The following BCAS3 variants were observed in gnomAD, a reference collection of about 807,000 sequenced individuals.
BCAS3 encodes the protein BCAS3 microtubule associated cell migration factor.
A neutral mutation model predicts 116.1 loss-of-function variants in BCAS3; 53 were observed. The observed-to-expected ratio is 0.46, with a 90% CI of 0.37 to 0.57. BCAS3 has a LOEUF of 0.57. Ranked by LOEUF, BCAS3 falls within the 20% of genes least tolerant of loss-of-function variation. The pLI is 0.00. For synonymous variants in BCAS3, 391 were observed against 408.2 expected (o/e 0.96, Z 0.51); for missense variants, 917 against 1,165.4 (o/e 0.79, Z 3.10).
intron 22 of BCAS3, among the ~76,000 whole-genome samples, chr17:61,292,091 G>T (rs7223292): frequency 0.2 from 30,708 of 152,008 alleles, 5,428 homozygotes; most frequent in African/African-American, 0.48. Flanking sequence ...GAAAACCCTT[G>T]GAGATCCTAG....
At chr17:60,988,338 C>CTTTTTTTTTTTTTTTTTTTTTT (rs71148317) in intron 14 of BCAS3, among the ~76,000 whole-genome samples, 55 of 66,776 alleles carry the variant, frequency 8.2e-4, no homozygotes, top group East Asian at 1.7e-3. Context: ...TTTTCTTTTT[C>CTTTTTTTTTTTTTTTTTTTTTT]TTTTTTTTTT....
At position 61,355,941 on chromosome 17, in the gene BCAS3, G is replaced by A. The variant is rs2058113427; in HGVS notation, c.2426-12386G>A. ...AATCCTATCACAGCTCTATGTGTAT[G>A]TTTTCTATCCACCTGAAGAAGCAGG... On this transcript the variant is annotated intron_variant, in intron 22 of 23. Coordinates refer to ENST00000407086, the MANE Select transcript of BCAS3 (RefSeq NM_017679.5). The surrounding 1 kb of genome is among the most constrained non-coding windows in gnomAD (Gnocchi z 4.2). 6.6e-6 allele frequency among the ~76,000 whole-genome samples: 1 copy of A among 152,180 alleles called. No homozygotes were observed. The highest frequency in any genetic ancestry group is 2.4e-5 in the African/African-American group (1 of 41,448).
intron 7 of BCAS3, among the ~76,000 whole-genome samples, chr17:60,835,434 CTCT>C (rs1809745353): frequency 1.3e-5 from 2 of 152,096 alleles, no homozygotes; most frequent in South Asian, 4.1e-4. Flanking sequence ...TCTTTTACTT[CTCT>C]TCTTCATCTA....
intron 13 of BCAS3, among the ~76,000 whole-genome samples, chr17:60,925,254 A>G (rs982586037): frequency 1.3e-5 from 2 of 152,056 alleles, no homozygotes; most frequent in Admixed American, 1.3e-4. Context: ...TTCCCTGGAT[A>G]TCTATCTGTT....
rs977169537 is a variant in BCAS3 at position 61,224,255 on chromosome 17, A to T, written c.2425+139691A>T. Among the ~76,000 whole-genome samples, 1 of 152,242 alleles carries T rather than the reference A, an allele frequency of 6.6e-6. No individual in the cohort carries two copies. The highest frequency in any genetic ancestry group is 2.4e-5 in the African/African-American group (1 of 41,466). On this transcript the variant is annotated intron_variant, in intron 22 of 23. Transcript: ENST00000407086. The surrounding 1 kb of genome is among the most constrained non-coding windows in gnomAD (Gnocchi z 5.7). ...ACAAAGTAAAGTTCTTGTTAGCAGG[A>T]AGATGGACTGAGTATATGTATGACT...
intron 12 of BCAS3, among the ~76,000 whole-genome samples, chr17:60,922,705 A>G (rs1202060265): frequency 6.6e-6 from 1 of 152,230 alleles, no homozygotes; most frequent in East Asian, 1.9e-4. Context: ...ATGCTTGGCC[A>G]TGAAACAGAT....
intron 22 of BCAS3, among the ~76,000 whole-genome samples, chr17:61,230,343 T>G (rs1218110927): frequency 1.3e-5 from 2 of 152,136 alleles, no homozygotes; most frequent in East Asian, 3.9e-4. Flanking sequence ...TTATAAATTT[T>G]TTTCTCAACT....
chr17:61,274,636 C>T (rs1407787511), intron 22 of BCAS3, among the ~76,000 whole-genome samples: 6 of 151,966 alleles, frequency 3.9e-5, no homozygotes. Flanking sequence ...TAAAAACCTA[C>T]AGCCAACACC....
In BCAS3 at chr17:61,136,860, A is replaced by G. The variant is rs976601993; in HGVS notation, c.2425+52296A>G. Among the ~76,000 whole-genome samples, 3 of 152,086 alleles carry G rather than the reference A, an allele frequency of 2.0e-5. No homozygotes were observed. The highest frequency in any genetic ancestry group is 4.8e-5 in the African/African-American group (2 of 41,410). On this transcript the variant is annotated intron_variant, in intron 22 of 23. Coordinates refer to ENST00000407086, the MANE Select transcript of BCAS3 (RefSeq NM_017679.5). The surrounding 1 kb of genome is among the most constrained non-coding windows in gnomAD (Gnocchi z 4.4). ...AGGTGTGAGCCACTGTGCTCAGCCA[A>G]TTGTCCCCATTTAAGAACCACTACC... is the stretch of plus-strand genomic sequence containing the variant.
chr17:60,733,234 C>T (rs1271465528), intron 5 of BCAS3, among the ~76,000 whole-genome samples: 2 of 152,024 alleles, frequency 1.3e-5, no homozygotes, highest in East Asian at 1.9e-4. Flanking sequence ...AAGCATAGTC[C>T]ATTTTCTTTT....
At chr17:61,264,013 G>T (rs560436271) in intron 22 of BCAS3, among the ~76,000 whole-genome samples, 4 of 152,118 alleles carry the variant, frequency 2.6e-5, no homozygotes, top group Admixed American at 6.5e-5. Flanking sequence ...TCCTATCAGC[G>T]GGTAATTTAC....
At chr17:61,043,765 A>G (rs1856199985) in intron 19 of BCAS3, among the ~76,000 whole-genome samples, 1 of 151,970 alleles carries the variant, frequency 6.6e-6, no homozygotes, top group African/African-American at 2.4e-5. Flanking sequence ...TCCACCCACA[A>G]CTCTGAATGA....
intron 23 of BCAS3, chr17:61,389,340 T>A (rs11079428): frequency 0.59 from 90,262 of 152,532 alleles, 29,700 homozygotes; most frequent in Non-Finnish European, 0.76. Context: ...GTCTCAGACA[T>A]AATAACGGGT....
rs552229150 is a variant in BCAS3, at chr17:61,369,085, C to T, written c.2593+591C>T. 2.7e-4 allele frequency among the ~76,000 whole-genome samples: 41 copies of T among 152,324 alleles called. 1 individual carries two copies. The East Asian group carries it at 4.4e-3, about 16-fold the overall frequency. The stretch of plus-strand genomic sequence containing the variant: ...GCCCAGGCAAGTGCATGTTCATGTG[C>T]GCACACACGCAAACACACACACACA... On this transcript the variant is annotated intron_variant, in intron 23 of 23. Transcript: ENST00000407086.
At chr17:61,254,332 C>A (rs910930894) in intron 22 of BCAS3, among the ~76,000 whole-genome samples, 2 of 152,180 alleles carry the variant, frequency 1.3e-5, no homozygotes, top group African/African-American at 4.8e-5. Context: ...ATGCACATTT[C>A]TTTGCTTAAT....
chr17:60,867,609 A>T (rs1437135537), intron 7 of BCAS3, among the ~76,000 whole-genome samples: 1 of 152,176 alleles, frequency 6.6e-6, no homozygotes, highest in Non-Finnish European at 1.5e-5. Flanking sequence ...GACCTTGGTA[A>T]ATCCATATAT....
chr17:61,196,079 G>A lies in BCAS3; in HGVS notation c.2425+111515G>A, dbSNP rs1034366849. Among the ~76,000 whole-genome samples the A allele has an allele frequency of 3.9e-5, 6 of 152,122 alleles. No homozygotes were observed. Among genetic ancestry groups the A allele is most frequent in the Non-Finnish European group, 7.3e-5 (5 of 68,034 alleles). ...TCATCTAACTTTGGAGACCACAGTCGCCTTTGCAGATCTATCTAGACAACT... is the reference window on the plus strand; with the variant it reads ...TCATCTAACTTTGGAGACCACAGTCACCTTTGCAGATCTATCTAGACAACT... On this transcript the variant is annotated intron_variant, in intron 22 of 23. Transcript: ENST00000407086. The surrounding 1 kb of genome is among the most constrained non-coding windows in gnomAD (Gnocchi z 4.7).
intron 6 of BCAS3, among the ~76,000 whole-genome samples, chr17:60,754,381 C>G (rs1377118161): frequency 1.3e-5 from 2 of 151,908 alleles, no homozygotes; most frequent in Non-Finnish European, 2.9e-5. Flanking sequence ...ATTACGGAGT[C>G]TTGCTCTGTC....
In BCAS3 at chr17:61,363,394, G is replaced by C. The variant is rs1270705940; in HGVS notation, c.2426-4933G>C. Among the ~76,000 whole-genome samples the C allele has an allele frequency of 6.6e-6, 1 of 152,122 alleles. No individual in the cohort carries two copies. Among genetic ancestry groups the C allele is most frequent in the Non-Finnish European group, 1.5e-5 (1 of 68,028 alleles). ...TCTTAGAAAATAGTATTCAGGGCAG[G>C]AGGCAGCCCTGAAAGGCAAGAATCC... On this transcript the variant is annotated intron_variant, in intron 22 of 23. Coordinates refer to ENST00000407086, the MANE Select transcript of BCAS3 (RefSeq NM_017679.5). This position sits in a 1 kb window ranked among gnomAD's most constrained non-coding sequence, Gnocchi z 4.9.
Sources: allele counts gnomAD v4.1 joint callset (sites outside exome capture counted in the v4.1 genomes callset), GRCh38; gene constraint gnomAD v4.1.1; non-coding constraint Gnocchi (gnomAD v3.1); transcripts MANE v1.5; gene names NCBI Gene and HGNC (gene_info 2026-07-23, HGNC 2026-07-21).